Variants in PLEKHB2 observed in about 807,000 individuals in gnomAD.
PLEKHB2 encodes pleckstrin homology domain containing B2.
Under a neutral mutation model 36.5 loss-of-function variants are expected in PLEKHB2, and 31 were observed. That is an observed-to-expected ratio of 0.85 (90% CI 0.64 to 1.15). PLEKHB2 has a LOEUF of 1.15. PLEKHB2 is among the 50% of genes most tolerant of loss of function. PLEKHB2 has a pLI of 0.00. For synonymous variants in PLEKHB2, 119 were observed against 112.0 expected, an observed-to-expected ratio of 1.06 and a Z score of -0.39; for missense variants, 262 against 295.3, an observed-to-expected ratio of 0.89 and a Z score of 0.83.
intron 1 of PLEKHB2, among the ~76,000 whole-genome samples, chr2:131,111,075 G>T (rs1472373430): frequency 1.3e-5 from 2 of 152,100 alleles, no homozygotes; most frequent in African/African-American, 4.8e-5. Context: ...TGGGATCTCA[G>T]CTCACTGCAA....
chr2:131,146,356 GC>G (rs1220515627), intron 7 of PLEKHB2, among the ~76,000 whole-genome samples: 2 of 152,138 alleles, frequency 1.3e-5, no homozygotes, highest in African/African-American at 4.8e-5. Flanking sequence ...GGTGTCGAGG[GC>G]TGAAGTAGAA....
intron 1 of PLEKHB2, among the ~76,000 whole-genome samples, chr2:131,106,038 A>T (rs1460273479): frequency 6.6e-6 from 1 of 152,142 alleles, no homozygotes; most frequent in Non-Finnish European, 1.5e-5. Flanking sequence ...GTCTTTAGTC[A>T]TAAGTGCTTG....
intron 1 of PLEKHB2, among the ~76,000 whole-genome samples, chr2:131,118,133 T>TGCCCCCAGCC: frequency 6.6e-6 from 1 of 152,164 alleles, no homozygotes; most frequent in Non-Finnish European, 1.5e-5. Flanking sequence ...CTGCGTCAGC[T>TGCCCCCAGCC]GCCCCCAGCC....
chr2:131,111,475 A>G (rs754321650), intron 1 of PLEKHB2, among the ~76,000 whole-genome samples: 16 of 146,416 alleles, frequency 1.1e-4, no homozygotes, highest in Non-Finnish European at 2.1e-4. Flanking sequence ...AGAGCTCTGA[A>G]TATTTCTTTT....
rs766474080 is a variant in PLEKHB2 at position 131,147,797 on chromosome 2, C to CAA, written c.*1039_*1040dup. 0.23 allele frequency: 23,302 copies of CAA among 100,062 alleles called. 2,323 individuals are homozygous for CAA. The highest frequency in any genetic ancestry group is 0.36 in the African/African-American group (10,918 of 30,638). The allele number at this position is 100,062 out of a possible 1,614,324, so 6.2% of individuals were successfully genotyped here. On this transcript the variant is annotated 3_prime_UTR_variant, in exon 8 of 8. Coordinates refer to ENST00000693505, the MANE Select transcript of PLEKHB2 (RefSeq NM_001100623.2). ...TGGGTGACAGAGTGAGACTCTGTCT[C>CAA]AAAAAAAAAAAAAAAATCCTGGAGA...
intron 2 of PLEKHB2, among the ~76,000 whole-genome samples, chr2:131,121,907 A>T (rs1009687329): frequency 6.6e-6 from 1 of 151,460 alleles, no homozygotes; most frequent in Non-Finnish European, 1.5e-5. Context: ...TTTTATTTTT[A>T]TTTATTTATT....
At chr2:131,111,686 T>A (rs1695349267) in intron 1 of PLEKHB2, among the ~76,000 whole-genome samples, 1 of 151,996 alleles carries the variant, frequency 6.6e-6, no homozygotes, top group African/African-American at 2.4e-5. Flanking sequence ...AGACGGGGTT[T>A]CACCATGTTG....
At chr2:131,145,014 T>G (rs1573641692) in intron 7 of PLEKHB2, among the ~76,000 whole-genome samples, 1 of 152,326 alleles carries the variant, frequency 6.6e-6, no homozygotes, top group East Asian at 1.9e-4. Flanking sequence ...AGATCAGCCC[T>G]TAGATTTACG....
chr2:131,144,712 G>A (rs566920595), intron 7 of PLEKHB2, among the ~76,000 whole-genome samples: 5 of 152,312 alleles, frequency 3.3e-5, no homozygotes, highest in African/African-American at 1.2e-4. Context: ...CTCTGGCAAG[G>A]ACTGAGCTCA....
rs972685816 is a variant in PLEKHB2 at position 131,147,383 on chromosome 2, A to G, written c.*610A>G. 6.6e-6 allele frequency: 1 copy of G among 152,010 alleles called. No homozygotes were observed. The highest frequency in any genetic ancestry group is 2.4e-5 in the African/African-American group (1 of 41,174). The allele number at this position is 152,010 out of a possible 1,614,324, so 9.4% of individuals were successfully genotyped here. ...CAATCATGCTTCAGAAATCTGCCTG[A>G]CCCTAGCTGCTGCTGCTGCTCACTT... On this transcript the variant is annotated 3_prime_UTR_variant, in exon 8 of 8. Transcript: ENST00000693505.
chr2:131,108,826 C>G (rs963116674), intron 1 of PLEKHB2, among the ~76,000 whole-genome samples: 2 of 152,138 alleles, frequency 1.3e-5, no homozygotes, highest in Non-Finnish European at 2.9e-5. Flanking sequence ...AAGCAGCTAC[C>G]ATTTATCGAG....
chr2:131,130,574 C>T (rs1559084591), intron 4 of PLEKHB2, 147 bp from the exon 5 acceptor site: 1 of 669,182 alleles, frequency 1.5e-6, no homozygotes. Context: ...ATATATATTC[C>T]TAGTGCATGT....
At chr2:131,144,051 T>G (rs1699046216) in intron 7 of PLEKHB2, among the ~76,000 whole-genome samples, 1 of 152,172 alleles carries the variant, frequency 6.6e-6, no homozygotes, top group South Asian at 2.1e-4. Flanking sequence ...CAGACTTGCT[T>G]GCTGTGGAAG....
chr2:131,138,960 G>A (rs1278825903), intron 6 of PLEKHB2, among the ~76,000 whole-genome samples: 4 of 152,136 alleles, frequency 2.6e-5, no homozygotes, highest in Non-Finnish European at 5.9e-5. Flanking sequence ...CTGAAGGCCC[G>A]GCAGTGCCTT....
At chr2:131,114,043 C>A (rs1479155553) in intron 1 of PLEKHB2, among the ~76,000 whole-genome samples, 6 of 152,210 alleles carry the variant, frequency 3.9e-5, no homozygotes, top group African/African-American at 1.4e-4. Flanking sequence ...TGACACTTGT[C>A]TGTTTGTCTT....
intron 3 of PLEKHB2, 110 bp from the exon 4 acceptor site, chr2:131,126,574 T>G: frequency 2.8e-6 from 2 of 704,228 alleles, no homozygotes; most frequent in Non-Finnish European, 5.1e-6. Context: ...CTTTCATAGA[T>G]GTAGCACTTG....
At position 131,147,875 on chromosome 2, in the gene PLEKHB2, G is replaced by A. The variant is rs1699412567; in HGVS notation, c.*1102G>A. On this transcript the variant is annotated 3_prime_UTR_variant, in exon 8 of 8. Coordinates refer to ENST00000693505, the MANE Select transcript of PLEKHB2 (RefSeq NM_001100623.2). ...TGGAGGCAGATTTGCTTTATTCCAAGAGGCTGTTTGAGTGTGTGTCTGCCT... is the reference window on the plus strand; with the variant it reads ...TGGAGGCAGATTTGCTTTATTCCAAAAGGCTGTTTGAGTGTGTGTCTGCCT... The A allele has an allele frequency of 6.6e-6, 1 of 151,976 alleles. No homozygotes were observed. Among genetic ancestry groups the A allele is most frequent in the African/African-American group, 2.4e-5 (1 of 41,314 alleles). 9.4% of individuals were successfully genotyped at this position (151,976 alleles called of 1,614,324 possible). A position where few individuals can be genotyped will look rare whatever the true frequency, so the allele number is the denominator to read the frequency against.
intron 6 of PLEKHB2, among the ~76,000 whole-genome samples, chr2:131,136,329 G>A (rs1274131590): frequency 6.6e-6 from 1 of 150,776 alleles, no homozygotes; most frequent in Non-Finnish European, 1.5e-5. Flanking sequence ...CTGGGCTGAG[G>A]CAATCCTCTT....
intron 3 of PLEKHB2, among the ~76,000 whole-genome samples, chr2:131,126,307 C>T (rs1220301067): frequency 6.6e-6 from 1 of 152,130 alleles, no homozygotes; most frequent in Non-Finnish European, 1.5e-5. Flanking sequence ...GTGGGTGGAT[C>T]ACGAGGGCAG....
Sources: gnomAD v4.1 joint callset for allele counts (sites outside exome capture counted in the v4.1 genomes callset) on GRCh38, gnomAD v4.1.1 for gene constraint, MANE v1.5 for transcripts, NCBI Gene and HGNC (gene_info 2026-07-23, HGNC 2026-07-21) for gene names.